The following RNF13 variants were observed in gnomAD, a reference collection of about 807,000 sequenced individuals.
RNF13 encodes E3 ubiquitin-protein ligase RNF13.
A neutral mutation model predicts 37.7 loss-of-function variants in RNF13; 19 were observed. That is an observed-to-expected ratio of 0.50 (90% CI 0.35 to 0.74). The LOEUF is 0.74. RNF13 is among the 30% of genes least tolerant of loss of function. The probability of loss-of-function intolerance (pLI) is 0.01; values close to 1 mark genes in which losing one functional copy is unlikely to be tolerated. For synonymous variants in RNF13, 144 were observed against 157.8 expected (o/e 0.91, Z 0.65); for missense variants, 375 against 453.0 (o/e 0.83, Z 1.56).
At chr3:149,906,242 A>T (rs567679715) in intron 6 of RNF13, among the ~76,000 whole-genome samples, 132 of 152,224 alleles carry the variant, frequency 8.7e-4, no homozygotes, top group Admixed American at 1.4e-3. Context: ...TGATGGATGG[A>T]CATTTAGCTT....
chr3:149,936,461 T>G (rs1218953477), intron 8 of RNF13, among the ~76,000 whole-genome samples: 3 of 152,118 alleles, frequency 2.0e-5, no homozygotes, highest in Non-Finnish European at 4.4e-5. Context: ...TTTCAAATTG[T>G]CTTTGAGCTC....
At chr3:149,928,008 T>G (rs1404621881) in intron 8 of RNF13, among the ~76,000 whole-genome samples, 1 of 149,392 alleles carries the variant, frequency 6.7e-6, no homozygotes, top group African/African-American at 2.4e-5. Flanking sequence ...AAAAACCTTT[T>G]TTTTTTTTTT....
intron 7 of RNF13, among the ~76,000 whole-genome samples, chr3:149,915,805 C>T (rs1717448199): frequency 6.6e-6 from 1 of 152,112 alleles, no homozygotes; most frequent in East Asian, 1.9e-4. Flanking sequence ...TTCATAGAGA[C>T]AGAAACTAGA....
chr3:149,848,102 T>C (rs781596150), intron 2 of RNF13, among the ~76,000 whole-genome samples: 13 of 152,250 alleles, frequency 8.5e-5, no homozygotes, highest in Non-Finnish European at 1.6e-4. Context: ...ATTTTATATA[T>C]GGTTTTAATC....
intron 8 of RNF13, among the ~76,000 whole-genome samples, chr3:149,934,224 T>G (rs935759648): frequency 6.6e-6 from 1 of 152,140 alleles, no homozygotes; most frequent in African/African-American, 2.4e-5. Flanking sequence ...ATTGTAATTT[T>G]TTTCATTTAT....
At chr3:149,954,373 G>A (rs916359069) in intron 8 of RNF13, among the ~76,000 whole-genome samples, 7 of 151,912 alleles carry the variant, frequency 4.6e-5, no homozygotes, top group African/African-American at 1.2e-4. Context: ...AAAATGTTAG[G>A]GGACTCTATA....
intron 6 of RNF13, among the ~76,000 whole-genome samples, chr3:149,909,696 A>G (rs1408029871): frequency 6.6e-6 from 1 of 152,138 alleles, no homozygotes; most frequent in East Asian, 1.9e-4. Context: ...AGAATATTAG[A>G]TTTAGAACCC....
At chr3:149,872,195 A>T (rs373002517) in intron 4 of RNF13, 41 bp downstream of exon 4, 3 of 1,352,304 alleles carry the variant, frequency 2.2e-6, no homozygotes, top group Non-Finnish European at 3.0e-6. Flanking sequence ...CTATTTGTTC[A>T]GTTAGCTAAT....
chr3:149,869,079 C>G (rs1458722431), intron 3 of RNF13, among the ~76,000 whole-genome samples: 1 of 151,510 alleles, frequency 6.6e-6, no homozygotes, highest in Non-Finnish European at 1.5e-5. Flanking sequence ...AATAGGCTGT[C>G]TTTGACTTGG....
At chr3:149,941,319 A>C (rs1019808597) in intron 8 of RNF13, among the ~76,000 whole-genome samples, 1 of 151,994 alleles carries the variant, frequency 6.6e-6, no homozygotes, top group African/African-American at 2.4e-5. Context: ...CATTCCCATC[A>C]CCAGTGCACA....
At chr3:149,954,692 A>G (rs562033172) in intron 8 of RNF13, among the ~76,000 whole-genome samples, 1 of 152,246 alleles carries the variant, frequency 6.6e-6, no homozygotes, top group East Asian at 1.9e-4. Context: ...TCACTTTTGA[A>G]GTTCTTTCAG....
intron 3 of RNF13, among the ~76,000 whole-genome samples, chr3:149,869,533 G>A (rs1222312224): frequency 6.6e-6 from 1 of 151,456 alleles, no homozygotes; most frequent in Non-Finnish European, 1.5e-5. Context: ...ATGAACCCGG[G>A]AGGCGGAGCT....
chr3:149,891,430 C>G (rs1264656649), intron 4 of RNF13, among the ~76,000 whole-genome samples: 1 of 152,116 alleles, frequency 6.6e-6, no homozygotes, highest in Non-Finnish European at 1.5e-5. Context: ...CCCAGGGTTC[C>G]TTTTAGAACC....
chr3:149,851,952 G>A (rs1224972523), intron 2 of RNF13, among the ~76,000 whole-genome samples: 4 of 152,162 alleles, frequency 2.6e-5, no homozygotes, highest in Non-Finnish European at 5.9e-5. Flanking sequence ...GGGGAAAATT[G>A]TTAAAGAGTT....
chr3:149,891,133 C>G (rs988185907), intron 4 of RNF13, among the ~76,000 whole-genome samples: 1 of 152,168 alleles, frequency 6.6e-6, no homozygotes, highest in Non-Finnish European at 1.5e-5. Flanking sequence ...TCTAACCTGA[C>G]AAAGCAGTGT....
At chr3:149,913,416 T>C (rs1277446623) in intron 7 of RNF13, among the ~76,000 whole-genome samples, 1 of 152,198 alleles carries the variant, frequency 6.6e-6, no homozygotes, top group Non-Finnish European at 1.5e-5. Context: ...TCATCCGTCA[T>C]CTACTTTCCC....
At chr3:149,830,011 C>T in intron 1 of RNF13, among the ~76,000 whole-genome samples, 1 of 149,132 alleles carries the variant, frequency 6.7e-6, no homozygotes, top group Middle Eastern at 3.2e-3. Context: ...TCTCCTTTGC[C>T]TTCTGCCATG....
intron 8 of RNF13, among the ~76,000 whole-genome samples, chr3:149,947,421 T>A (rs547649563): frequency 1.3e-5 from 2 of 151,738 alleles, no homozygotes; most frequent in Admixed American, 6.6e-5. Flanking sequence ...TTTTTTTTTT[T>A]AAAGGCGGAG....
intron 3 of RNF13, among the ~76,000 whole-genome samples, chr3:149,856,382 C>G (rs534644013): frequency 6.6e-6 from 1 of 150,922 alleles, no homozygotes; most frequent in East Asian, 1.9e-4. Context: ...TAAATAAATA[C>G]GTTAAAAATA....
Sources: gnomAD v4.1 joint callset for allele counts (sites outside exome capture counted in the v4.1 genomes callset) on GRCh38, gnomAD v4.1.1 for gene constraint, MANE v1.5 for transcripts, NCBI Gene and HGNC (gene_info 2026-07-23, HGNC 2026-07-21) for gene names.